The following CNBP variants were observed in gnomAD, a reference collection of about 807,000 sequenced individuals.
CNBP encodes cellular nucleic acid-binding protein.
Under a neutral mutation model 21.2 loss-of-function variants are expected in CNBP, and 6 were observed. That is an observed-to-expected ratio of 0.28 (90% confidence interval 0.16 to 0.56). The LOEUF (loss-of-function observed/expected upper bound fraction) is 0.56, where lower values mean the gene tolerates loss of function less well. CNBP is among the 20% of genes least tolerant of loss of function. The pLI is 0.93. For missense variants in CNBP, 112 were observed against 233.1 expected (o/e 0.48, Z 3.38); for synonymous variants, 61 against 74.9 (o/e 0.81, Z 0.96).
At chr3:129,175,221 G>C (rs1937816656) in intron 1 of CNBP, among the ~76,000 whole-genome samples, 1 of 151,888 alleles carries the variant, frequency 6.6e-6, no homozygotes, top group Non-Finnish European at 1.5e-5. Flanking sequence ...CTACTCGAGA[G>C]GCTGAGGCAG....
At chr3:129,172,647 GGC>G (rs543252353) in intron 1 of CNBP, among the ~76,000 whole-genome samples, 12,826 of 82,122 alleles carry the variant, frequency 0.16, 840 homozygotes, top group Non-Finnish European at 0.21. Context: ...CAGGCAGGCA[GGC>G]AGGCAGGCAG....
At chr3:129,182,729 C>A (rs1178053641) in intron 1 of CNBP, among the ~76,000 whole-genome samples, 1 of 152,110 alleles carries the variant, frequency 6.6e-6, no homozygotes, top group Non-Finnish European at 1.5e-5. Context: ...AGGATCCCAG[C>A]AACTTAAATA....
chr3:129,179,280 AG>A (rs1454255677), intron 1 of CNBP, among the ~76,000 whole-genome samples: 1 of 152,080 alleles, frequency 6.6e-6, no homozygotes, highest in Non-Finnish European at 1.5e-5. Context: ...TCCACCTCAA[AG>A]GAAAAAAAGA....
intron 1 of CNBP, among the ~76,000 whole-genome samples, chr3:129,175,619 G>A (rs1420253805): frequency 1.3e-5 from 2 of 151,836 alleles, no homozygotes; most frequent in Admixed American, 6.6e-5. Flanking sequence ...TAGTAGAGAC[G>A]GGGTTTCACC....
At chr3:129,172,022 T>G (rs1576909805) in intron 1 of CNBP, among the ~76,000 whole-genome samples, 1 of 149,734 alleles carries the variant, frequency 6.7e-6, no homozygotes, top group Non-Finnish European at 1.5e-5. Flanking sequence ...ATACAAAAAA[T>G]TAGCCCGGTG....
intron 1 of CNBP, among the ~76,000 whole-genome samples, chr3:129,183,503 G>A (rs1270925119): frequency 6.6e-6 from 1 of 152,268 alleles, no homozygotes; most frequent in Admixed American, 6.5e-5. Context: ...TAAGCCTGCG[G>A]CCTGGGGTGC....
In CNBP at chr3:129,171,272, A is replaced by G; in HGVS notation, c.223T>C (p.Tyr75His). Reference protein sequence around the residue: ...KDCDLQEDACYNCGRGGHIAK... With the variant: ...KDCDLQEDACHNCGRGGHIAK... ...ATGTGGCCACCTCTACCGCAGTTATAGCAGGCTTCAACAATAAGGAAAAGA... is the reference window on the plus strand; with the variant it reads ...ATGTGGCCACCTCTACCGCAGTTATGGCAGGCTTCAACAATAAGGAAAAGA... The change falls in exon 4 of 5, where the codon TAT becomes CAT. Residue 75 changes from tyrosine (Y) to histidine (H), a missense_variant. Tyr to His is a moderately conservative substitution (Grantham distance 83, BLOSUM62 2). Coordinates refer to ENST00000422453, the MANE Select transcript of CNBP (RefSeq NM_003418.5). 1 of 1,614,234 alleles carries G rather than the reference A, an allele frequency of 6.2e-7. No homozygotes were observed. The highest frequency in any genetic ancestry group is 8.5e-7 in the Non-Finnish European group (1 of 1,180,036).
chr3:129,173,042 A>G (rs540202553), intron 1 of CNBP, among the ~76,000 whole-genome samples: 7 of 152,338 alleles, frequency 4.6e-5, no homozygotes, highest in African/African-American at 1.7e-4. Context: ...TCTTATCTCT[A>G]GATGGTACAA....
At chr3:129,178,679 T>C (rs768885624) in intron 1 of CNBP, among the ~76,000 whole-genome samples, 12 of 152,166 alleles carry the variant, frequency 7.9e-5, no homozygotes, top group Non-Finnish European at 1.5e-4. Flanking sequence ...TCTGAATGTA[T>C]GTAAGTATGC....
intron 1 of CNBP, among the ~76,000 whole-genome samples, chr3:129,176,548 T>C (rs1937919552): frequency 6.6e-6 from 1 of 152,168 alleles, no homozygotes; most frequent in South Asian, 2.1e-4. Context: ...AGCAATTTGG[T>C]GAAACTAACT....
At chr3:129,181,549 G>A (rs1485877517) in intron 1 of CNBP, among the ~76,000 whole-genome samples, 2 of 149,322 alleles carry the variant, frequency 1.3e-5, no homozygotes, top group East Asian at 4.0e-4. Flanking sequence ...TACTTCGGAG[G>A]CTGAGGCAGG....
At position 129,167,908 on chromosome 3, in the gene CNBP, A is replaced by G. The variant is rs749510564; in HGVS notation, c.*2545T>C. Among the ~76,000 whole-genome samples, 12 of 152,240 alleles carry G rather than the reference A, an allele frequency of 7.9e-5. No homozygotes were observed. The highest frequency in any genetic ancestry group is 2.0e-4 in the Admixed American group (3 of 15,278). On this transcript the variant is annotated 3_prime_UTR_variant, in exon 5 of 5. Coordinates refer to ENST00000422453, the MANE Select transcript of CNBP (RefSeq NM_003418.5). ...AAAATAGCACATGAAAAAATATTAT[A>G]AGCTTATATTCATAAAGAAATGGGT...
At chr3:129,172,841 A>G (rs574353966) in intron 1 of CNBP, among the ~76,000 whole-genome samples, 2 of 152,218 alleles carry the variant, frequency 1.3e-5, no homozygotes, top group Non-Finnish European at 2.9e-5. Context: ...TCATTTATTT[A>G]CTCACATCAA....
chr3:129,182,413 A>C (rs1417311467), intron 1 of CNBP, among the ~76,000 whole-genome samples: 1 of 152,152 alleles, frequency 6.6e-6, no homozygotes, highest in Non-Finnish European at 1.5e-5. Context: ...GACCCCCAAG[A>C]CCAGAAACAG....
At chr3:129,172,275 T>G (rs924671712) in intron 1 of CNBP, among the ~76,000 whole-genome samples, 1 of 151,748 alleles carries the variant, frequency 6.6e-6, no homozygotes, top group Non-Finnish European at 1.5e-5. Context: ...TCAATGAAAA[T>G]CCATTAAGAG....
chr3:129,177,228 C>T (rs1340711576), intron 1 of CNBP, among the ~76,000 whole-genome samples: 2 of 152,178 alleles, frequency 1.3e-5, no homozygotes, highest in African/African-American at 4.8e-5. Flanking sequence ...ATATAAGGCA[C>T]CACTTACTGA....
Position 129,171,476 on chromosome 3 carries a change from G to C in CNBP, c.187C>G (p.Leu63Val). Residue 63 changes from leucine (L) to valine (V), a missense_variant, in exon 3 of 5, where the codon CTT becomes GTT. Coordinates refer to ENST00000422453, the MANE Select transcript of CNBP (RefSeq NM_003418.5). ...TCCTGAAGATCACAATCCTTGGCAA[G>C]ATGACCAGACTCACCACAGCGATAA... ...ICYRCGESGH[L>V]AKDCDLQEDA... 1 of 1,614,178 alleles carries C rather than the reference G, an allele frequency of 6.2e-7. No homozygotes were observed. Among genetic ancestry groups the C allele is most frequent in the African/African-American group, 1.3e-5 (1 of 75,054 alleles).
chr3:129,172,675 GACAGACAGACAGACAGACAGACACACAC>G (rs1937627319), intron 1 of CNBP, among the ~76,000 whole-genome samples: 1 of 111,350 alleles, frequency 9.0e-6, no homozygotes, highest in Middle Eastern at 4.2e-3. Flanking sequence ...CAGACAGACA[GACAGACAGACAGACAGACAGACACACAC>G]ACACACACAC....
intron 1 of CNBP, among the ~76,000 whole-genome samples, chr3:129,182,126 CAAAT>C (rs1938344213): frequency 6.6e-6 from 1 of 152,044 alleles, no homozygotes; most frequent in Non-Finnish European, 1.5e-5. Context: ...CTTGAACAAA[CAAAT>C]AACATAAAAT....
Sources: gnomAD v4.1 joint callset for allele counts (sites outside exome capture counted in the v4.1 genomes callset) on GRCh38, gnomAD v4.1.1 for gene constraint, MANE v1.5 for transcripts, NCBI Gene and HGNC (gene_info 2026-07-23, HGNC 2026-07-21) for gene names.